FBN3: variants seen among roughly 807,000 people sequenced by gnomAD.
FBN3 encodes fibrillin 3, also known as fibrillin-3.
A neutral mutation model predicts 330.1 loss-of-function variants in FBN3; 234 were observed. The ratio of observed to expected loss-of-function variants is 0.71; its 90% CI spans 0.64 to 0.79. FBN3 has a LOEUF of 0.79. Ranked by LOEUF, FBN3 falls within the 30% of genes least tolerant of loss-of-function variation. The pLI, the probability that FBN3 is intolerant of heterozygous loss-of-function variation, is 0.00. For missense variants in FBN3, 3,606 were observed against 3,886.9 expected (o/e 0.93, Z 1.92); for synonymous variants, 1,458 against 1,517.3 (o/e 0.96, Z 0.91).
At chr19:8,132,584 C>T (rs187619194) in intron 14 of FBN3, among the ~76,000 whole-genome samples, 1 of 151,790 alleles carries the variant, frequency 6.6e-6, no homozygotes, top group Non-Finnish European at 1.5e-5. Flanking sequence ...CTCTACCTCC[C>T]AGGATCAAGT....
intron 14 of FBN3, among the ~76,000 whole-genome samples, chr19:8,132,632 C>T (rs2083174780): frequency 6.6e-6 from 1 of 152,080 alleles, no homozygotes; most frequent in African/African-American, 2.4e-5. Context: ...GCTGGGATTA[C>T]AGGTGCCCAC....
chr19:8,097,604 AAGAC>A (rs903368468), intron 41 of FBN3, among the ~76,000 whole-genome samples, 190 bp from the exon 42 acceptor site: 1 of 152,230 alleles, frequency 6.6e-6, no homozygotes, highest in African/African-American at 2.4e-5. Context: ...AGTGGGAGGA[AAGAC>A]AAGAGCAGAG....
At chr19:8,120,713 G>A (rs2082826902) in intron 25 of FBN3, among the ~76,000 whole-genome samples, 1 of 152,154 alleles carries the variant, frequency 6.6e-6, no homozygotes, top group African/African-American at 2.4e-5. Flanking sequence ...CTGGACTCAA[G>A]CAATCCTACT....
In FBN3 at chr19:8,131,769, C is replaced by T. The variant is rs753836385; in HGVS notation, c.1775G>A (p.Gly592Asp). The change falls in exon 15 of 64, where the codon GGC becomes GAC. Residue 592 changes from glycine (G) to aspartate (D), a missense_variant. Transcript: ENST00000600128. This position sits in a 1 kb window ranked among gnomAD's most constrained non-coding sequence, Gnocchi z 4.5. Reference protein sequence around the residue: ...CVNGHCTNTEGSFRCQCLGGL... With the variant: ...CVNGHCTNTEDSFRCQCLGGL... Reference sequence around the variant, plus strand: ...CCCCAGGCACTGGCAGCGGAAGGAGCCCTCGGTGTTGGTACAGTGGCCGTT... The same window carrying T: ...CCCCAGGCACTGGCAGCGGAAGGAGTCCTCGGTGTTGGTACAGTGGCCGTT... 6.2e-6 allele frequency: 10 copies of T among 1,612,912 alleles called. No individual in the cohort carries two copies. In the East Asian group the frequency reaches 2.2e-4, roughly 36 times the overall value.
At chr19:8,068,398 AAAAAAATCAAT>A (rs1350680232) in intron 63 of FBN3, among the ~76,000 whole-genome samples, 2 of 149,664 alleles carry the variant, frequency 1.3e-5, no homozygotes, top group Non-Finnish European at 3.0e-5. Flanking sequence ...CTCAAAAAAA[AAAAAAATCAAT>A]AAATAGGGTG....
intron 25 of FBN3, among the ~76,000 whole-genome samples, chr19:8,120,432 A>G (rs1426241476): frequency 6.6e-6 from 1 of 150,688 alleles, no homozygotes; most frequent in Non-Finnish European, 1.5e-5. Flanking sequence ...AGCCTCCCAA[A>G]GTGCTGGGAT....
Position 8,131,747 on chromosome 19 carries a change from C to A in FBN3, c.1797G>T (p.Leu599=), listed in dbSNP as rs773130705. Reference sequence around the variant, plus strand: ...CATCCGTGCCTACCGCCAGCCCCCCCAGGCACTGGCAGCGGAAGGAGCCCT... The same window carrying A: ...CATCCGTGCCTACCGCCAGCCCCCCAAGGCACTGGCAGCGGAAGGAGCCCT... ...NTEGSFRCQC[L]GGLAVGTDGR... The change falls in exon 15 of 64, where the codon CTG becomes CTT. Residue 599 remains leucine, a synonymous_variant. Transcript: ENST00000600128. The surrounding 1 kb of genome is among the most constrained non-coding windows in gnomAD (Gnocchi z 4.5). 6 of 1,613,418 alleles carry A rather than the reference C, an allele frequency of 3.7e-6. No homozygotes were observed. Among genetic ancestry groups the A allele is most frequent in the Admixed American group, 1.7e-5 (1 of 59,936 alleles).
Position 8,100,912 on chromosome 19 carries a change from C to G in FBN3, c.5150G>C (p.Gly1717Ala), listed in dbSNP as rs1196939556. ...APGFLTDIHT[G>A]KPLDIDECGE... ...GACCACTCACTCACCAAGGGGCTTC[C>G]CCGTGTGGATGTCAGTGAGGAATCC... Residue 1717 changes from glycine to alanine, a missense_variant, in exon 41 of 64, where the codon GGG becomes GCG. Gly to Ala is a moderately conservative substitution (Grantham distance 60, BLOSUM62 0). Transcript: ENST00000600128. 1.5e-5 allele frequency: 24 copies of G among 1,613,670 alleles called. No homozygotes were observed. In the East Asian group the frequency reaches 5.1e-4, roughly 35 times the overall value.
chr19:8,100,754 C>T (rs1223790591), intron 41 of FBN3, 147 bp downstream of exon 41: 5 of 671,776 alleles, frequency 7.4e-6, no homozygotes, highest in Non-Finnish European at 1.3e-5. Context: ...GGCAGGATTC[C>T]TGGGGAGTTG....
intron 18 of FBN3, among the ~76,000 whole-genome samples, chr19:8,127,063 T>G (rs1398773354): frequency 1.4e-5 from 2 of 147,330 alleles, no homozygotes; most frequent in African/African-American, 4.9e-5. Flanking sequence ...TTTTTTGTTT[T>G]TTTTTTTTTT....
chr19:8,135,936 G>GCACCCCCCC, intron 13 of FBN3, 25 bp downstream of exon 13: 1 of 668,778 alleles, frequency 1.5e-6, no homozygotes, highest in Non-Finnish European at 2.4e-6. Flanking sequence ...GGAAGCCCCT[G>GCACCCCCCC]CCCACCCGCC....
At chr19:8,075,048 T>G in intron 61 of FBN3, 23 bp downstream of exon 61, 1 of 1,597,550 alleles carries the variant, frequency 6.3e-7, no homozygotes. Context: ...GGGCCCAGCT[T>G]CTTCCCAGCC....
In FBN3 at chr19:8,086,187, C is replaced by G. The variant is rs952673499; in HGVS notation, c.6880+13G>C. The stretch of plus-strand genomic sequence containing the variant: ...GGTGGTTGCAACCACTGTGCGTGTC[C>G]AGCCACACTCACCGTGGCACTCGGT... On this transcript the variant is annotated intron_variant, in intron 55 of 63. Transcript: ENST00000600128. 4 of 1,558,130 alleles carry G rather than the reference C, an allele frequency of 2.6e-6. No homozygotes were observed. The highest frequency in any genetic ancestry group is 3.5e-6 in the Non-Finnish European group (4 of 1,143,074).
chr19:8,099,970 A>G (rs1354239162), intron 41 of FBN3, among the ~76,000 whole-genome samples: 7 of 150,814 alleles, frequency 4.6e-5, no homozygotes, highest in Non-Finnish European at 8.8e-5. Flanking sequence ...AGATAGTGCC[A>G]TTGCACTCCA....
At position 8,096,425 on chromosome 19, in the gene FBN3, G is replaced by A; in HGVS notation, c.5539+19C>T. 6.2e-7 allele frequency: 1 copy of A among 1,606,918 alleles called. No homozygotes were observed. Among genetic ancestry groups the A allele is most frequent in the Non-Finnish European group, 8.5e-7 (1 of 1,175,836 alleles). On this transcript the variant is annotated intron_variant, in intron 44 of 63. Transcript: ENST00000600128. This position sits in a 1 kb window ranked among gnomAD's most constrained non-coding sequence, Gnocchi z 4.6. Reference sequence around the variant, plus strand: ...CAGGCAGCCTGGCTTGAAAAGGAGGGGGAAGATAAGGGTCTCACCCATGCA... The same window carrying A: ...CAGGCAGCCTGGCTTGAAAAGGAGGAGGAAGATAAGGGTCTCACCCATGCA...
At chr19:8,079,983 T>C (rs549826107) in intron 59 of FBN3, among the ~76,000 whole-genome samples, 11 of 152,342 alleles carry the variant, frequency 7.2e-5, no homozygotes, top group African/African-American at 2.6e-4. Context: ...GCCTTTTATG[T>C]TTGTTGCTGT....
intron 38 of FBN3, among the ~76,000 whole-genome samples, chr19:8,105,250 G>GTCTTTTTTT (rs1001170827): frequency 3.3e-5 from 5 of 150,692 alleles, no homozygotes; most frequent in Non-Finnish European, 7.4e-5. Context: ...ACTGTGCCCA[G>GTCTTTTTTT]TCTTTTTTTT....
At chr19:8,088,831 G>A (rs1004668036) in intron 51 of FBN3, among the ~76,000 whole-genome samples, 1 of 152,170 alleles carries the variant, frequency 6.6e-6, no homozygotes, top group African/African-American at 2.4e-5. Context: ...AAACAAGCAA[G>A]TGAATGAATG....
chr19:8,095,825 G>T, intron 45 of FBN3, 139 bp downstream of exon 45: 1 of 599,834 alleles, frequency 1.7e-6, no homozygotes, highest in Non-Finnish European at 3.0e-6. Context: ...TTTGACCTAT[G>T]GATTATTTAG....
Sources: allele counts gnomAD v4.1 joint callset (sites outside exome capture counted in the v4.1 genomes callset), GRCh38; gene constraint gnomAD v4.1.1; non-coding constraint Gnocchi (gnomAD v3.1); transcripts MANE v1.5; gene names NCBI Gene and HGNC (gene_info 2026-07-23, HGNC 2026-07-21).